Variants in MRPS6 observed in about 807,000 individuals in gnomAD.
MRPS6 encodes small ribosomal subunit protein bS6m.
Under a neutral mutation model 13.1 loss-of-function variants are expected in MRPS6, and 6 were observed. That is an observed-to-expected ratio of 0.46 (90% CI 0.25 to 0.91). MRPS6 has a LOEUF of 0.91. Among genes scored for constraint, MRPS6 ranks in the 40% least tolerant of loss-of-function variants. MRPS6 has a pLI of 0.18. For missense variants in MRPS6, 164 were observed against 155.6 expected (o/e 1.05, Z -0.29); for synonymous variants, 61 against 56.5 (o/e 1.08, Z -0.36).
intron 1 of MRPS6, among the ~76,000 whole-genome samples, chr21:34,078,679 T>C (rs1989389886): frequency 6.6e-6 from 1 of 152,210 alleles, no homozygotes; most frequent in Non-Finnish European, 1.5e-5. Context: ...GTGCCTTTGC[T>C]GTGTTTGTAC....
intron 1 of MRPS6, among the ~76,000 whole-genome samples, chr21:34,085,793 G>A (rs567497654): frequency 4.6e-5 from 7 of 152,088 alleles, no homozygotes; most frequent in Admixed American, 1.3e-4. Context: ...TAGTAGAGAC[G>A]GGGTTTCACC....
At chr21:34,109,724 A>G (rs1009207481) in intron 1 of MRPS6, among the ~76,000 whole-genome samples, 4 of 151,570 alleles carry the variant, frequency 2.6e-5, no homozygotes, top group African/African-American at 7.3e-5. Flanking sequence ...AGTTTTTCCC[A>G]TTGTTGATTT....
chr21:34,095,459 A>G, intron 1 of MRPS6: 1 of 1,614,106 alleles, frequency 6.2e-7, no homozygotes, highest in South Asian at 1.1e-5. Flanking sequence ...TCAATGCCTT[A>G]CTGCTTTTAC....
chr21:34,109,137 T>C (rs1979598731), intron 1 of MRPS6, among the ~76,000 whole-genome samples: 1 of 152,198 alleles, frequency 6.6e-6, no homozygotes, highest in Admixed American at 6.5e-5. Context: ...AATCTTTTTT[T>C]ATAGTCTCTT....
intron 2 of MRPS6, among the ~76,000 whole-genome samples, chr21:34,127,345 C>T (rs1036590341): frequency 1.2e-4 from 19 of 152,074 alleles, no homozygotes; most frequent in African/African-American, 4.1e-4. Flanking sequence ...GTCTCTGAAA[C>T]GCTAATTCCG....
chr21:34,103,298 G>A (rs1284304312), intron 1 of MRPS6: 22 of 974,078 alleles, frequency 2.3e-5, no homozygotes, highest in Middle Eastern at 1.1e-3. Context: ...AAATTTTGTC[G>A]TAACTAGTGA....
At chr21:34,084,568 C>A (rs1989529477) in intron 1 of MRPS6, among the ~76,000 whole-genome samples, 1 of 152,074 alleles carries the variant, frequency 6.6e-6, no homozygotes, top group Non-Finnish European at 1.5e-5. Context: ...TATATATACA[C>A]ACCTACATAT....
At chr21:34,137,732 A>G (rs748793350) in intron 2 of MRPS6, among the ~76,000 whole-genome samples, 1 of 151,582 alleles carries the variant, frequency 6.6e-6, no homozygotes, top group African/African-American at 2.4e-5. Flanking sequence ...TTTTTCAAAG[A>G]TGCTCTTTAT....
At chr21:34,102,443 C>T (rs1224885227) in intron 1 of MRPS6, 3 of 999,842 alleles carry the variant, frequency 3.0e-6, no homozygotes, top group Non-Finnish European at 3.6e-6. Flanking sequence ...GGGGTAAGCA[C>T]CTAATTTATC....
chr21:34,142,482 A>G lies in MRPS6; in HGVS notation c.260A>G (p.Asp87Gly). 1 of 1,613,152 alleles carries G rather than the reference A, an allele frequency of 6.2e-7. No homozygotes were observed. The highest frequency in any genetic ancestry group is 1.7e-4 in the Middle Eastern group (1 of 6,060). ...GTGGAGCACTTGTCTCGAGATATAG[A>G]TGTGATTAGAGGGAATATTGTCAAA... ...SMVEHLSRDI[D>G]VIRGNIVKHP... Residue 87 changes from aspartate to glycine, a missense_variant, in exon 3 of 3, where the codon GAT becomes GGT. Coordinates refer to ENST00000399312, the MANE Select transcript of MRPS6 (RefSeq NM_032476.4).
chr21:34,101,795 C>T, intron 1 of MRPS6: 1 of 996,584 alleles, frequency 1.0e-6, no homozygotes, highest in South Asian at 4.7e-5. Context: ...TGTTAATTCT[C>T]AGGAATGATT....
At chr21:34,132,821 G>C (rs1980550931) in intron 2 of MRPS6, among the ~76,000 whole-genome samples, 1 of 152,184 alleles carries the variant, frequency 6.6e-6, no homozygotes, top group Admixed American at 6.5e-5. Context: ...TGGTCCCAAA[G>C]CTATCTGTGG....
At chr21:34,097,105 C>G (rs1274964526) in intron 1 of MRPS6, 1 of 1,613,922 alleles carries the variant, frequency 6.2e-7, no homozygotes, top group Non-Finnish European at 8.5e-7. Context: ...AATGGGCAAG[C>G]AGCTCTCATG....
At chr21:34,097,410 A>AC (rs1239699495) in intron 1 of MRPS6, 1 of 1,355,292 alleles carries the variant, frequency 7.4e-7, no homozygotes, top group South Asian at 1.5e-5. Context: ...GTCTTTGGGG[A>AC]AAAAAGTTAT....
chr21:34,094,458 A>G (rs1436457576), intron 1 of MRPS6, among the ~76,000 whole-genome samples: 2 of 152,140 alleles, frequency 1.3e-5, no homozygotes, highest in Non-Finnish European at 2.9e-5. Context: ...GATTCATAGT[A>G]TTTTAAGATT....
intron 1 of MRPS6, among the ~76,000 whole-genome samples, chr21:34,087,247 G>A (rs1159767472): frequency 3.0e-5 from 3 of 99,024 alleles, no homozygotes; most frequent in Non-Finnish European, 6.0e-5. Context: ...ACTGGTGGAG[G>A]AGGGAGGAGG....
chr21:34,126,128 T>C (rs531243740), intron 2 of MRPS6, among the ~76,000 whole-genome samples: 173 of 152,334 alleles, frequency 1.1e-3, no homozygotes, highest in African/African-American at 4.0e-3. Flanking sequence ...AATCAGGTTT[T>C]AGCGCGGTAG....
intron 2 of MRPS6, among the ~76,000 whole-genome samples, chr21:34,127,229 A>T (rs1226968848): frequency 6.6e-6 from 1 of 152,248 alleles, no homozygotes; most frequent in African/African-American, 2.4e-5. Context: ...AGACACAGAA[A>T]GGTAGTGCCC....
At chr21:34,082,789 C>T (rs1044761393) in intron 1 of MRPS6, among the ~76,000 whole-genome samples, 4 of 151,984 alleles carry the variant, frequency 2.6e-5, no homozygotes, top group African/African-American at 9.7e-5. Flanking sequence ...GCAAATAAAA[C>T]GAACTCAGAT....
Sources: gnomAD v4.1 joint callset for allele counts (sites outside exome capture counted in the v4.1 genomes callset) on GRCh38, gnomAD v4.1.1 for gene constraint, MANE v1.5 for transcripts, NCBI Gene and HGNC (gene_info 2026-07-23, HGNC 2026-07-21) for gene names.